The following MAGI2 variants were observed in gnomAD, a reference collection of about 807,000 sequenced individuals.
MAGI2 encodes the protein membrane associated guanylate kinase, WW and PDZ domain containing 2, also known as membrane-associated guanylate kinase, WW and PDZ domain-containing protein 2.
Under a neutral mutation model 133.3 loss-of-function variants are expected in MAGI2, and 35 were observed. That is an observed-to-expected ratio of 0.26 (90% CI 0.20 to 0.35). MAGI2 has a LOEUF of 0.35. Among genes scored for constraint, MAGI2 ranks in the 10% least tolerant of loss-of-function variants. The probability of loss-of-function intolerance (pLI) is 1.00; values close to 1 mark genes in which losing one functional copy is unlikely to be tolerated. For synonymous variants in MAGI2, 729 were observed against 710.6 expected (o/e 1.03, Z -0.41); for missense variants, 1,636 against 1,863.4 (o/e 0.88, Z 2.25).
rs148795648 is a variant in MAGI2 at position 78,129,765 on chromosome 7, G to A, written c.3204-2349C>T. ...TTCGAGACTAACATGGAGAAACCCCGTCTCTACTAAAAATACAAAATTAGC... is the reference window on the plus strand; with the variant it reads ...TTCGAGACTAACATGGAGAAACCCCATCTCTACTAAAAATACAAAATTAGC... On this transcript the variant is annotated intron_variant, in intron 18 of 21. Coordinates refer to ENST00000354212, the MANE Select transcript of MAGI2 (RefSeq NM_012301.4). 2.3e-3 allele frequency among the ~76,000 whole-genome samples: 356 copies of A among 151,908 alleles called. 1 individual carries two copies. Among genetic ancestry groups the A allele is most frequent in the African/African-American group, 7.7e-3 (318 of 41,448 alleles).
intron 1 of MAGI2, among the ~76,000 whole-genome samples, chr7:79,196,592 T>C (rs1828101883): frequency 6.6e-6 from 1 of 152,112 alleles, no homozygotes; most frequent in South Asian, 2.1e-4. Context: ...TCATTTTTAG[T>C]TAATAATCAA....
chr7:78,224,640 T>C (rs908369937), intron 10 of MAGI2, among the ~76,000 whole-genome samples: 1 of 151,074 alleles, frequency 6.6e-6, no homozygotes, highest in African/African-American at 2.4e-5. Flanking sequence ...CATTCCAGCC[T>C]GGGCAACAGA....
rs376447075 is a variant in MAGI2, at chr7:79,061,669, T to C, written c.302-54463A>G. ...GGGGTGGCAAATAAGTTCTACTTTG[T>C]ATGCCAATAACAGTAGATCGAAAAT... On this transcript the variant is annotated intron_variant, in intron 1 of 21. Coordinates refer to ENST00000354212, the MANE Select transcript of MAGI2 (RefSeq NM_012301.4). Among the ~76,000 whole-genome samples, 12 of 152,248 alleles carry C rather than the reference T, an allele frequency of 7.9e-5. No homozygotes were observed. In the South Asian group the frequency reaches 2.5e-3, roughly 32 times the overall value.
chr7:79,297,132 G>A (rs147143021), intron 1 of MAGI2, among the ~76,000 whole-genome samples: 1 of 152,180 alleles, frequency 6.6e-6, no homozygotes, highest in African/African-American at 2.4e-5. Context: ...GTTTGCACAT[G>A]TGCAGGCAAT....
chr7:78,317,691 T>G (rs1013335866), intron 9 of MAGI2, among the ~76,000 whole-genome samples: 13 of 152,136 alleles, frequency 8.5e-5, no homozygotes, highest in Non-Finnish European at 5.9e-5. Flanking sequence ...GTATCCTGAC[T>G]GGGAGACACC....
chr7:78,629,287 C>G (rs1231571894), intron 2 of MAGI2, among the ~76,000 whole-genome samples: 1 of 152,200 alleles, frequency 6.6e-6, no homozygotes, highest in Non-Finnish European at 1.5e-5. Context: ...CCAACTGATG[C>G]TGGCTGCCTA....
intron 2 of MAGI2, among the ~76,000 whole-genome samples, chr7:78,681,048 G>T (rs1815594645): frequency 6.6e-6 from 1 of 152,118 alleles, no homozygotes; most frequent in African/African-American, 2.4e-5. Flanking sequence ...TTGTTGGTGG[G>T]ATTATCCTGC....
At chr7:78,590,500 G>A (rs1405305065) in intron 3 of MAGI2, among the ~76,000 whole-genome samples, 1 of 152,184 alleles carries the variant, frequency 6.6e-6, no homozygotes, top group African/African-American at 2.4e-5. Flanking sequence ...ATGTAGGTGT[G>A]CTGGCTGTGA....
intron 1 of MAGI2, among the ~76,000 whole-genome samples, chr7:79,201,532 T>C (rs1828615639): frequency 6.6e-6 from 1 of 151,940 alleles, no homozygotes; most frequent in African/African-American, 2.4e-5. Context: ...GCTTTTTGTT[T>C]GTTTTTTTAA....
chr7:78,410,851 A>G (rs1354590010), intron 6 of MAGI2, among the ~76,000 whole-genome samples: 1 of 152,044 alleles, frequency 6.6e-6, no homozygotes, highest in African/African-American at 2.4e-5. Flanking sequence ...AAAATCAAAA[A>G]GGGAATATAA....
At chr7:78,751,140 G>A (rs1192115396) in intron 2 of MAGI2, among the ~76,000 whole-genome samples, 1 of 152,092 alleles carries the variant, frequency 6.6e-6, no homozygotes, top group Non-Finnish European at 1.5e-5. Flanking sequence ...ATATATAATG[G>A]CTAAGTACAA....
chr7:78,960,350 T>C (rs1217446988), intron 2 of MAGI2, among the ~76,000 whole-genome samples: 2 of 152,106 alleles, frequency 1.3e-5, no homozygotes, highest in Non-Finnish European at 2.9e-5. Context: ...CATATAACGA[T>C]ACCATGTTAC....
chr7:78,374,390 C>T (rs147142516), intron 6 of MAGI2, among the ~76,000 whole-genome samples: 18 of 152,162 alleles, frequency 1.2e-4, no homozygotes, highest in Non-Finnish European at 1.9e-4. Context: ...ATGTCTTTTG[C>T]CCATTTTTAA....
intron 2 of MAGI2, among the ~76,000 whole-genome samples, chr7:78,631,462 A>C (rs1208424362): frequency 6.6e-6 from 1 of 152,230 alleles, no homozygotes; most frequent in East Asian, 1.9e-4. Context: ...GCCCTGGTGA[A>C]GCACCAGGCT....
chr7:79,415,862 G>T (rs373221694), intron 1 of MAGI2, among the ~76,000 whole-genome samples: 12 of 152,250 alleles, frequency 7.9e-5, no homozygotes, highest in Admixed American at 7.2e-4. Flanking sequence ...TAAACTTGCT[G>T]GTCTCTTCCA....
intron 21 of MAGI2, chr7:78,035,081 C>T (rs1810040943): frequency 6.6e-6 from 1 of 152,556 alleles, no homozygotes; most frequent in African/African-American, 2.4e-5. Context: ...CTAAGGCGTC[C>T]ACTGTGCAGG....
chr7:78,196,403 A>G (rs955473763), intron 11 of MAGI2, among the ~76,000 whole-genome samples: 3 of 152,182 alleles, frequency 2.0e-5, no homozygotes, highest in Non-Finnish European at 4.4e-5. Flanking sequence ...CAGAAAAAGT[A>G]CATTTAGTGA....
chr7:79,252,640 T>G (rs933114671), intron 1 of MAGI2, among the ~76,000 whole-genome samples: 1 of 152,210 alleles, frequency 6.6e-6, no homozygotes. Context: ...TGAATAAATG[T>G]TTGAGGTGTT....
chr7:78,668,437 C>T (rs1295726147), intron 2 of MAGI2, among the ~76,000 whole-genome samples: 1 of 150,870 alleles, frequency 6.6e-6, no homozygotes, highest in African/African-American at 2.4e-5. Flanking sequence ...GTTGCCATTG[C>T]TTTTGGTGTT....
Sources: gnomAD v4.1 joint callset for allele counts (sites outside exome capture counted in the v4.1 genomes callset) on GRCh38, gnomAD v4.1.1 for gene constraint, MANE v1.5 for transcripts, NCBI Gene and HGNC (gene_info 2026-07-23, HGNC 2026-07-21) for gene names.